Variants in CDK9 observed in about 807,000 individuals in gnomAD.
The protein encoded by CDK9 is cyclin dependent kinase 9.
A neutral mutation model predicts 39.0 loss-of-function variants in CDK9; 34 were observed. That is an observed-to-expected ratio of 0.87 (90% CI 0.66 to 1.16). The LOEUF (loss-of-function observed/expected upper bound fraction) is 1.16, where lower values mean the gene tolerates loss of function less well. Among genes scored for constraint, CDK9 ranks in the 50% most tolerant of loss-of-function variants. The pLI is 0.00. For synonymous variants in CDK9, 233 were observed against 196.2 expected, an observed-to-expected ratio of 1.19 and a Z score of -1.57; for missense variants, 369 against 503.2, an observed-to-expected ratio of 0.73 and a Z score of 2.55.
Position 127,786,701 on chromosome 9 carries a change from G to A in CDK9, c.93G>A (p.Gly31=), listed in dbSNP as rs753944760. The A allele has an allele frequency of 1.9e-6, 3 of 1,613,748 alleles. No individual in the cohort carries two copies. The highest frequency in any genetic ancestry group is 2.5e-6 in the Non-Finnish European group (3 of 1,179,860). ...CTCGGGTCTCCCTTTCCGCCTGCAGGGAGGTGTTCAAGGCCAGGCACCGCA... is the reference window on the plus strand; with the variant it reads ...CTCGGGTCTCCCTTTCCGCCTGCAGAGAGGTGTTCAAGGCCAGGCACCGCA... ...KLAKIGQGTF[G]EVFKARHRKT... The change falls in exon 2 of 7, where the codon GGG becomes GGA. Residue 31 remains glycine, a splice_region_variant and synonymous_variant. Coordinates refer to ENST00000373264, the MANE Select transcript of CDK9 (RefSeq NM_001261.4).
At chr9:127,787,676 T>G (rs1342315421) in intron 3 of CDK9, 68 bp downstream of exon 3, 1 of 1,186,344 alleles carries the variant, frequency 8.4e-7, no homozygotes, top group Admixed American at 1.7e-5. Context: ...AACTTGGAAC[T>G]AGGCACACCT....
At chr9:127,786,490 G>A (rs1399255182) in intron 1 of CDK9, among the ~76,000 whole-genome samples, 2 of 152,214 alleles carry the variant, frequency 1.3e-5, no homozygotes, top group Non-Finnish European at 2.9e-5. Context: ...CTCTCCAAGG[G>A]ACGCCCAAGT....
In CDK9 at chr9:127,788,526, G is replaced by A; in HGVS notation, c.605-18G>A. On this transcript the variant is annotated intron_variant, in intron 5 of 6. Coordinates refer to ENST00000373264, the MANE Select transcript of CDK9 (RefSeq NM_001261.4). ...CCCTCGGGCTCAAGGGGCCCTCCTGGTGCGCTCTTCTTCCCAGGGGAGCGG... is the reference window on the plus strand; with the variant it reads ...CCCTCGGGCTCAAGGGGCCCTCCTGATGCGCTCTTCTTCCCAGGGGAGCGG... The A allele has an allele frequency of 1.9e-6, 3 of 1,549,976 alleles. No individual in the cohort carries two copies. The highest frequency in any genetic ancestry group is 1.8e-4 in the Middle Eastern group (1 of 5,456).
chr9:127,787,829 C>A (rs937588195), intron 3 of CDK9, 118 bp from the exon 4 acceptor site: 3 of 1,117,710 alleles, frequency 2.7e-6, no homozygotes, highest in African/African-American at 3.1e-5. Context: ...AAGGAACAGA[C>A]AGATGCTCTG....
Position 127,789,778 on chromosome 9 carries a change from C to CA in CDK9, c.*236dup, listed in dbSNP as rs1298739075. ...TTCTGGATGGTTCCCAGAGGGTTTC[C>CA]ATGGGGTAGGAGGATGGGCTCGCCC... On this transcript the variant is annotated 3_prime_UTR_variant, in exon 7 of 7. Coordinates refer to ENST00000373264, the MANE Select transcript of CDK9 (RefSeq NM_001261.4). This position sits in a 1 kb window ranked among gnomAD's most constrained non-coding sequence, Gnocchi z 5.2. 9 of 582,162 alleles carry CA rather than the reference C, an allele frequency of 1.5e-5. No individual in the cohort carries two copies. The highest frequency in any genetic ancestry group is 2.1e-5 in the Non-Finnish European group (7 of 335,956). The allele number at this position is 582,162 out of a possible 1,614,324, so 36.1% of individuals were successfully genotyped here.
Position 127,787,560 on chromosome 9 carries a change from C to T in CDK9, c.217C>T (p.Leu73=). 6.2e-7 allele frequency: 1 copy of T among 1,613,884 alleles called. No individual in the cohort carries two copies. Among genetic ancestry groups the T allele is most frequent in the Non-Finnish European group, 8.5e-7 (1 of 1,179,790 alleles). ...GCGGGAGATCAAGATCCTTCAGCTT[C>T]TAAAACACGAGAATGTGGTCAACTT... The part of the protein sequence containing the change: ...ALREIKILQL[L]KHENVVNLIE... The change falls in exon 3 of 7, where the codon CTA becomes TTA. Residue 73 remains leucine (L), a synonymous_variant. Transcript: ENST00000373264.
Position 127,789,878 on chromosome 9 carries a change from C to A in CDK9, c.*335C>A. The A allele has an allele frequency of 3.2e-6, 1 of 309,518 alleles. No individual in the cohort carries two copies. The highest frequency in any genetic ancestry group is 6.1e-6 in the Non-Finnish European group (1 of 164,114). 19.2% of individuals were successfully genotyped at this position (309,518 alleles called of 1,614,324 possible). ...TCCCTCACCCACCCACAATCCTATT[C>A]TCGGGCTGAGAACCCTGCGTGGGGA... On this transcript the variant is annotated 3_prime_UTR_variant, in exon 7 of 7. Coordinates refer to ENST00000373264, the MANE Select transcript of CDK9 (RefSeq NM_001261.4). This position sits in a 1 kb window ranked among gnomAD's most constrained non-coding sequence, Gnocchi z 5.2.
intron 3 of CDK9, 111 bp from the exon 4 acceptor site, chr9:127,787,836 T>C: frequency 8.6e-7 from 1 of 1,165,722 alleles, no homozygotes; most frequent in South Asian, 1.3e-5. Context: ...AGACAGATGC[T>C]CTGGAGGGCA....
At chr9:127,787,719 G>C in intron 3 of CDK9, 111 bp downstream of exon 3, 1 of 911,528 alleles carries the variant, frequency 1.1e-6, no homozygotes. Context: ...ATGGACCCAT[G>C]GTGACTGCTT....
chr9:127,788,484 C>T, intron 5 of CDK9, 60 bp from the exon 6 acceptor site: 2 of 1,531,342 alleles, frequency 1.3e-6, no homozygotes, highest in South Asian at 1.2e-5. Flanking sequence ...GGCCCTGGGG[C>T]ATTGAGCCTC....
chr9:127,786,640 G>T, intron 1 of CDK9, 61 bp from the exon 2 acceptor site: 1 of 1,434,032 alleles, frequency 7.0e-7, no homozygotes, highest in Non-Finnish European at 9.7e-7. Flanking sequence ...CTGTAGTGGG[G>T]GAGGGGCGGG....
At chr9:127,786,372 C>T in intron 1 of CDK9, 132 bp downstream of exon 1, 1 of 772,824 alleles carries the variant, frequency 1.3e-6, no homozygotes, top group Non-Finnish European at 2.1e-6. Context: ...CTCTAGGCCG[C>T]GCCGCACCCC....
At chr9:127,787,203 G>A (rs1010476380) in intron 2 of CDK9, among the ~76,000 whole-genome samples, 1 of 152,176 alleles carries the variant, frequency 6.6e-6, no homozygotes, top group Non-Finnish European at 1.5e-5. Context: ...TTTGCGTAAT[G>A]TGCATTAGCA....
At chr9:127,787,219 A>G (rs568912005) in intron 2 of CDK9, among the ~76,000 whole-genome samples, 2 of 152,322 alleles carry the variant, frequency 1.3e-5, no homozygotes, top group Admixed American at 6.5e-5. Flanking sequence ...TAGCAAGGAC[A>G]TTTTTAAATC....
rs1283658202 is a variant in CDK9, at chr9:127,788,391, G to C, written c.604+6G>C. On this transcript the variant is annotated splice_donor_region_variant and intron_variant, in intron 5 of 6. Coordinates refer to ENST00000373264, the MANE Select transcript of CDK9 (RefSeq NM_001261.4). ...GCCCCCGGAGCTGTTGCTCGGTGAG[G>C]ACTCCCGAGCGGGCCAAGGGGGGTG... The C allele has an allele frequency of 3.1e-6, 5 of 1,610,740 alleles. No individual in the cohort carries two copies. In the East Asian group the frequency reaches 1.1e-4, roughly 36 times the overall value.
chr9:127,789,625 T>G lies in CDK9; in HGVS notation c.*82T>G, dbSNP rs1829393331. ...CATCGTGGAGACAGGGCATTTGAGT[T>G]TATATCTCTCATGCATATTTTATTT... On this transcript the variant is annotated 3_prime_UTR_variant, in exon 7 of 7. Coordinates refer to ENST00000373264, the MANE Select transcript of CDK9 (RefSeq NM_001261.4). The surrounding 1 kb of genome is among the most constrained non-coding windows in gnomAD (Gnocchi z 5.2). 1 of 1,518,170 alleles carries G rather than the reference T, an allele frequency of 6.6e-7. No individual in the cohort carries two copies. Among genetic ancestry groups the G allele is most frequent in the African/African-American group, 1.4e-5 (1 of 72,392 alleles). 94.0% of individuals were successfully genotyped at this position (1,518,170 alleles called of 1,614,324 possible). A position where few individuals can be genotyped will look rare whatever the true frequency, so the allele number is the denominator to read the frequency against.
chr9:127,786,866 C>T, intron 2 of CDK9, 84 bp downstream of exon 2: 3 of 1,084,150 alleles, frequency 2.8e-6, no homozygotes, highest in Non-Finnish European at 4.1e-6. Context: ...TTCTGGGAGT[C>T]TCAGGTTGAG....
At position 127,787,962 on chromosome 9, in the gene CDK9, G is replaced by A; in HGVS notation, c.281G>A (p.Arg94His). Residue 94 changes from arginine to histidine, a missense_variant, in exon 4 of 7, where the codon CGC becomes CAC. Transcript: ENST00000373264. Reference sequence around the variant, plus strand: ...CCTGCCTCAGCTTCCCCCTATAACCGCTGCAAGGGTAGTATATACCTGGTG... The same window carrying A: ...CCTGCCTCAGCTTCCCCCTATAACCACTGCAAGGGTAGTATATACCTGGTG... ...ICRTKASPYNRCKGSIYLVFD... is the reference protein window; with the variant it reads ...ICRTKASPYNHCKGSIYLVFD... The A allele has an allele frequency of 6.2e-7, 1 of 1,614,124 alleles. No homozygotes were observed. The highest frequency in any genetic ancestry group is 8.5e-7 in the Non-Finnish European group (1 of 1,180,008).
In CDK9 at chr9:127,787,610, T is replaced by G; in HGVS notation, c.265+2T>G. 2 of 1,600,294 alleles carry G rather than the reference T, an allele frequency of 1.2e-6. No homozygotes were observed. Among genetic ancestry groups the G allele is most frequent in the Non-Finnish European group, 1.7e-6 (2 of 1,167,482 alleles). Reference sequence around the variant, plus strand: ...TGATTGAGATTTGTCGAACCAAAGGTAAGTTATTTGGTTCTTACGAGAAGA... The same window carrying G: ...TGATTGAGATTTGTCGAACCAAAGGGAAGTTATTTGGTTCTTACGAGAAGA... On this transcript the variant is annotated splice_donor_variant, in intron 3 of 6. Coordinates refer to ENST00000373264, the MANE Select transcript of CDK9 (RefSeq NM_001261.4). LOFTEE classifies it high-confidence loss of function.
Sources: allele counts gnomAD v4.1 joint callset (sites outside exome capture counted in the v4.1 genomes callset), GRCh38; gene constraint gnomAD v4.1.1; non-coding constraint Gnocchi (gnomAD v3.1); transcripts MANE v1.5; gene names NCBI Gene and HGNC (gene_info 2026-07-23, HGNC 2026-07-21).